The following PROSER2 variants were observed in gnomAD, a reference collection of about 807,000 sequenced individuals.
PROSER2 encodes proline and serine-rich protein 2.
A neutral mutation model predicts 14.6 loss-of-function variants in PROSER2; 18 were observed. The observed-to-expected ratio is 1.23, with a 90% CI of 0.85 to 1.83. The LOEUF is 1.83. Among genes scored for constraint, PROSER2 ranks in the 40% most tolerant of loss-of-function variants. PROSER2 has a pLI of 0.00. For synonymous variants in PROSER2, 367 were observed against 286.4 expected (o/e 1.28, Z -2.84); for missense variants, 823 against 629.8 (o/e 1.31, Z -3.28).
intron 2 of PROSER2, among the ~76,000 whole-genome samples, chr10:11,863,423 A>G (rs939497308): frequency 1.3e-5 from 2 of 152,114 alleles, no homozygotes; most frequent in Non-Finnish European, 2.9e-5. Flanking sequence ...CTGTAGTCCC[A>G]GCATCTCTGG....
At chr10:11,825,316 C>T (rs11257346) in intron 1 of PROSER2, among the ~76,000 whole-genome samples, 51,843 of 152,102 alleles carry the variant, frequency 0.34, 9,700 homozygotes, top group East Asian at 0.5. Flanking sequence ...GCACAGAGGC[C>T]ATTCGGGAGG....
intron 1 of PROSER2, among the ~76,000 whole-genome samples, chr10:11,829,106 G>C (rs1395963341): frequency 1.3e-5 from 2 of 152,048 alleles, no homozygotes; most frequent in African/African-American, 4.8e-5. Context: ...GGCAGATCTT[G>C]TTTCCCGGCT....
intron 1 of PROSER2, among the ~76,000 whole-genome samples, chr10:11,835,362 C>T (rs1423708847): frequency 6.6e-6 from 1 of 151,868 alleles, no homozygotes; most frequent in Non-Finnish European, 1.5e-5. Flanking sequence ...AGGAACCAGG[C>T]GTGTGCTCAG....
chr10:11,825,614 A>G (rs971359560), intron 1 of PROSER2, among the ~76,000 whole-genome samples: 2 of 152,220 alleles, frequency 1.3e-5, no homozygotes, highest in African/African-American at 4.8e-5. Context: ...CGGAACTCAC[A>G]GTGAAGGTGC....
chr10:11,833,089 C>T (rs935439349), intron 1 of PROSER2, among the ~76,000 whole-genome samples: 1 of 152,082 alleles, frequency 6.6e-6, no homozygotes, highest in Non-Finnish European at 1.5e-5. Context: ...AGTGATCCGC[C>T]CACCTCAGCC....
At chr10:11,852,859 C>G (rs942369430) in intron 2 of PROSER2, among the ~76,000 whole-genome samples, 1 of 149,522 alleles carries the variant, frequency 6.7e-6, no homozygotes, top group South Asian at 2.1e-4. Flanking sequence ...AGCCACCGCG[C>G]CCGGCCACTC....
At chr10:11,827,377 G>C (rs1833630290) in intron 1 of PROSER2, among the ~76,000 whole-genome samples, 1 of 152,084 alleles carries the variant, frequency 6.6e-6, no homozygotes, top group African/African-American at 2.4e-5. Flanking sequence ...TTCGTATCAT[G>C]AAATTTTGCA....
intron 2 of PROSER2, among the ~76,000 whole-genome samples, chr10:11,855,791 G>A (rs1375426068): frequency 6.6e-6 from 1 of 152,162 alleles, no homozygotes; most frequent in Non-Finnish European, 1.5e-5. Context: ...TCTAGAAGAT[G>A]ATCTCGAATA....
chr10:11,834,438 A>C (rs1833730494), intron 1 of PROSER2, among the ~76,000 whole-genome samples: 2 of 151,710 alleles, frequency 1.3e-5, no homozygotes, highest in South Asian at 4.2e-4. Flanking sequence ...GAGGAAAATG[A>C]AAACTCAGCC....
chr10:11,829,669 GTTTC>G (rs1317205590), intron 1 of PROSER2, among the ~76,000 whole-genome samples: 1 of 151,154 alleles, frequency 6.6e-6, no homozygotes, highest in Non-Finnish European at 1.5e-5. Flanking sequence ...CTGTACCGTG[GTTTC>G]TTTATATGCC....
chr10:11,835,810 C>T (rs1833752720), intron 1 of PROSER2, among the ~76,000 whole-genome samples: 1 of 152,118 alleles, frequency 6.6e-6, no homozygotes, highest in Admixed American at 6.5e-5. Flanking sequence ...GAGCCACTAG[C>T]ATTAGGGCCA....
At chr10:11,860,640 T>C (rs1180950474) in intron 2 of PROSER2, among the ~76,000 whole-genome samples, 1 of 151,514 alleles carries the variant, frequency 6.6e-6, no homozygotes, top group Non-Finnish European at 1.5e-5. Flanking sequence ...TGGATTTTTG[T>C]CTCATTTTAT....
chr10:11,831,014 T>C (rs1043989148), intron 1 of PROSER2, among the ~76,000 whole-genome samples: 40 of 152,254 alleles, frequency 2.6e-4, no homozygotes, highest in Non-Finnish European at 4.8e-4. Flanking sequence ...AGTTTCATGC[T>C]TTGGATTCCC....
rs765656419 is a variant in PROSER2, at chr10:11,865,732, G to A, written c.139-799G>A. On this transcript the variant is annotated intron_variant, in intron 2 of 3. Transcript: ENST00000277570. This position sits in a 1 kb window ranked among gnomAD's most constrained non-coding sequence, Gnocchi z 4.2. ...CACACTGTTAACACGGCACTCCACC[G>A]TCAGCTTTGCTCCGTGGCCCCACTT... Among the ~76,000 whole-genome samples the A allele has an allele frequency of 9.9e-5, 15 of 152,180 alleles. No individual in the cohort carries two copies. The highest frequency in any genetic ancestry group is 1.5e-4 in the Non-Finnish European group (10 of 68,042).
At position 11,836,787 on chromosome 10, in the gene PROSER2, G is replaced by GT. The variant is rs2131052959; in HGVS notation, c.-82+13318dup. ...GGTTAATGGTGGGTGTCTGGACAAG[G>GT]TAGGAGAGTCTATAAACCTATACCG... On this transcript the variant is annotated intron_variant, in intron 1 of 3. Coordinates refer to ENST00000277570, the MANE Select transcript of PROSER2 (RefSeq NM_153256.4). The surrounding 1 kb of genome is among the most constrained non-coding windows in gnomAD (Gnocchi z 4.6). 6.6e-6 allele frequency among the ~76,000 whole-genome samples: 1 copy of GT among 152,254 alleles called. No individual in the cohort carries two copies. Among genetic ancestry groups the GT allele is most frequent in the South Asian group, 2.1e-4 (1 of 4,818 alleles).
Position 11,838,481 on chromosome 10 carries a change from C to T in PROSER2, c.-81-13516C>T, listed in dbSNP as rs976906068. On this transcript the variant is annotated intron_variant, in intron 1 of 3. Coordinates refer to ENST00000277570, the MANE Select transcript of PROSER2 (RefSeq NM_153256.4). The surrounding 1 kb of genome is among the most constrained non-coding windows in gnomAD (Gnocchi z 4.4). ...AGCAGGCAACACTGTATACCCATCC[C>T]GGCACGTGTTTCCACATGTTCCTAG... Among the ~76,000 whole-genome samples the T allele has an allele frequency of 4.6e-5, 7 of 152,228 alleles. No individual in the cohort carries two copies. In the East Asian group the frequency reaches 9.6e-4, roughly 21 times the overall value.
At position 11,871,656 on chromosome 10, in the gene PROSER2, T is replaced by C. The variant is rs536159151; in HGVS notation, c.*1250T>C. The C allele has an allele frequency of 2.0e-5, 3 of 152,354 alleles. No homozygotes were observed. Among genetic ancestry groups the C allele is most frequent in the Admixed American group, 6.5e-5 (1 of 15,304 alleles). The allele number at this position is 152,354 out of a possible 1,614,324, so 9.4% of individuals were successfully genotyped here. ...AGACTATGTCTTACACGCTGAGTTATGCCACAAGCGTTATCATCAAAACTA... is the reference window on the plus strand; with the variant it reads ...AGACTATGTCTTACACGCTGAGTTACGCCACAAGCGTTATCATCAAAACTA... On this transcript the variant is annotated 3_prime_UTR_variant, in exon 4 of 4. Coordinates refer to ENST00000277570, the MANE Select transcript of PROSER2 (RefSeq NM_153256.4).
intron 2 of PROSER2, among the ~76,000 whole-genome samples, chr10:11,853,707 A>G (rs2131073645): frequency 6.6e-6 from 1 of 152,158 alleles, no homozygotes; most frequent in East Asian, 1.9e-4. Context: ...GTTTGGATCC[A>G]TGCTCCTCCT....
chr10:11,846,869 C>G (rs1344477800), intron 1 of PROSER2, among the ~76,000 whole-genome samples: 3 of 152,126 alleles, frequency 2.0e-5, no homozygotes, highest in Non-Finnish European at 4.4e-5. Context: ...CCACCCACCT[C>G]ACGAGACTAC....
Sources: gnomAD v4.1 joint callset for allele counts (sites outside exome capture counted in the v4.1 genomes callset) on GRCh38, gnomAD v4.1.1 for gene constraint, Gnocchi (gnomAD v3.1) non-coding constraint, MANE v1.5 for transcripts, NCBI Gene and HGNC (gene_info 2026-07-23, HGNC 2026-07-21) for gene names.